CSMD1: variants seen among roughly 807,000 people sequenced by gnomAD.
CSMD1 encodes the protein CUB and sushi domain-containing protein 1.
In CSMD1, 213 loss-of-function variants were observed where a neutral mutation model predicts 417.5. The observed-to-expected ratio is 0.51, with a 90% confidence interval of 0.46 to 0.57. CSMD1 has a LOEUF of 0.57. Ranked by LOEUF, CSMD1 falls within the 20% of genes least tolerant of loss-of-function variation. The pLI, the probability that CSMD1 is intolerant of heterozygous loss-of-function variation, is 0.00. For synonymous variants in CSMD1, 2,862 were observed against 1,736.8 expected (o/e 1.65, Z -16.11); for missense variants, 6,923 against 4,529.7 (o/e 1.53, Z -15.17).
At chr8:3,781,090 C>G (rs553775906) in intron 5 of CSMD1, among the ~76,000 whole-genome samples, 35 of 152,258 alleles carry the variant, frequency 2.3e-4, no homozygotes, top group African/African-American at 7.9e-4. Flanking sequence ...GATCATGGCA[C>G]TGCAAACTGT....
At chr8:4,341,855 G>A (rs1289873037) in intron 3 of CSMD1, among the ~76,000 whole-genome samples, 2 of 152,024 alleles carry the variant, frequency 1.3e-5, no homozygotes, top group South Asian at 2.1e-4. Context: ...GCTTCACCCA[G>A]CAGCCACAGC....
chr8:4,263,384 C>T (rs556267794), intron 3 of CSMD1, among the ~76,000 whole-genome samples: 78 of 152,262 alleles, frequency 5.1e-4, no homozygotes, highest in African/African-American at 1.8e-3. Context: ...AATAAAAAAC[C>T]TGCTTTGACC....
intron 5 of CSMD1, among the ~76,000 whole-genome samples, chr8:3,911,622 A>C (rs1016576868): frequency 1.3e-5 from 2 of 151,952 alleles, no homozygotes; most frequent in Non-Finnish European, 2.9e-5. Flanking sequence ...ATCCAATTCG[A>C]TTAATAACTA....
At chr8:3,933,328 A>T (rs17068044) in intron 5 of CSMD1, among the ~76,000 whole-genome samples, 51,998 of 152,058 alleles carry the variant, frequency 0.34, 9,063 homozygotes, top group African/African-American at 0.43. Flanking sequence ...AGCTTTCATT[A>T]AATTACTTGA....
At chr8:3,277,006 C>T (rs572764956) in intron 26 of CSMD1, among the ~76,000 whole-genome samples, 43 of 152,134 alleles carry the variant, frequency 2.8e-4, no homozygotes, top group African/African-American at 9.6e-4. Flanking sequence ...TGATTGTCTT[C>T]GCTAAAGAAA....
intron 9 of CSMD1, among the ~76,000 whole-genome samples, chr8:3,585,635 A>C (rs1342334870): frequency 1.3e-5 from 2 of 152,196 alleles, no homozygotes; most frequent in African/African-American, 2.4e-5. Flanking sequence ...AATAATGATG[A>C]ATATTTTACT....
chr8:4,926,814 G>C (rs1388675522), intron 1 of CSMD1, among the ~76,000 whole-genome samples: 2 of 151,952 alleles, frequency 1.3e-5, no homozygotes, highest in Admixed American at 1.3e-4. Flanking sequence ...TTTTGTGTTT[G>C]AATATCTACC....
rs140549960 is a variant in CSMD1, at chr8:3,292,505, G to T, written c.3951-8159C>A. Among the ~76,000 whole-genome samples, 170 of 152,260 alleles carry T rather than the reference G, an allele frequency of 1.1e-3. 2 individuals are homozygous for T. In the East Asian group the frequency reaches 0.031, roughly 28 times the overall value. The stretch of plus-strand genomic sequence containing the variant: ...CTAAGGACTTGCTTCAAGAATCTGC[G>T]TGCTCCTGTATTGGGTACATATATA... On this transcript the variant is annotated intron_variant, in intron 25 of 69. Coordinates refer to ENST00000635120, the MANE Select transcript of CSMD1 (RefSeq NM_033225.6).
intron 7 of CSMD1, among the ~76,000 whole-genome samples, chr8:3,665,383 G>A (rs1005084794): frequency 2.0e-5 from 3 of 152,018 alleles, no homozygotes; most frequent in Non-Finnish European, 4.4e-5. Context: ...ACAAAAATTA[G>A]CCAGGTGTGG....
chr8:3,797,976 G>A (rs568380490), intron 5 of CSMD1, among the ~76,000 whole-genome samples: 27 of 151,938 alleles, frequency 1.8e-4, no homozygotes, highest in East Asian at 1.2e-3. Context: ...ATCTCATTGC[G>A]GTTTCAACGT....
At position 4,145,250 on chromosome 8, in the gene CSMD1, G is replaced by C. The variant is rs970046326; in HGVS notation, c.416-113151C>G. On this transcript the variant is annotated intron_variant, in intron 3 of 69. Transcript: ENST00000635120. ...AAATAGGACATTCATGACCTGGACA[G>C]GTATAACTGGAACTTGTAGAGTTAG... Among the ~76,000 whole-genome samples, 212 of 151,042 alleles carry C rather than the reference G, an allele frequency of 1.4e-3. 20 individuals carry two copies. The highest frequency in any genetic ancestry group is 4.9e-3 in the African/African-American group (200 of 40,434).
chr8:3,954,935 C>T (rs1489263188), intron 5 of CSMD1, among the ~76,000 whole-genome samples: 2 of 152,192 alleles, frequency 1.3e-5, no homozygotes, highest in African/African-American at 4.8e-5. Context: ...AACACTTATG[C>T]ACAGAAAGTT....
Position 4,893,808 on chromosome 8 carries a change from T to A in CSMD1, c.85+100524A>T, listed in dbSNP as rs971446910. ...CATTGTTCAGATTCCAATGTCTTTT[T>A]AGCATATGTTGATATCTGGAACGGT... On this transcript the variant is annotated intron_variant, in intron 1 of 69. Transcript: ENST00000635120. Among the ~76,000 whole-genome samples, 3 of 152,148 alleles carry A rather than the reference T, an allele frequency of 2.0e-5. No homozygotes were observed. In the East Asian group the frequency reaches 5.8e-4, roughly 29 times the overall value.
chr8:4,811,933 G>T (rs954884563), intron 1 of CSMD1, among the ~76,000 whole-genome samples: 1 of 152,086 alleles, frequency 6.6e-6, no homozygotes, highest in Non-Finnish European at 1.5e-5. Context: ...TTTTCTGATA[G>T]GCGCATTAGA....
At chr8:3,868,170 T>G (rs1805236250) in intron 5 of CSMD1, among the ~76,000 whole-genome samples, 1 of 152,116 alleles carries the variant, frequency 6.6e-6, no homozygotes, top group African/African-American at 2.4e-5. Flanking sequence ...TCCACTCTGC[T>G]GAACCAACAC....
chr8:4,248,369 G>A (rs770913043), intron 3 of CSMD1, among the ~76,000 whole-genome samples: 1 of 152,068 alleles, frequency 6.6e-6, no homozygotes, highest in African/African-American at 2.4e-5. Flanking sequence ...CTCATCCCTT[G>A]GTGAGTGCTG....
chr8:3,776,113 C>T (rs1369064411), intron 5 of CSMD1, among the ~76,000 whole-genome samples: 3 of 152,192 alleles, frequency 2.0e-5, no homozygotes, highest in South Asian at 2.1e-4. Flanking sequence ...CCCATCCTTC[C>T]TTCCTTCTTC....
chr8:4,032,448 C>A (rs1178456168), intron 3 of CSMD1, among the ~76,000 whole-genome samples: 2 of 152,174 alleles, frequency 1.3e-5, no homozygotes, highest in Non-Finnish European at 2.9e-5. Context: ...TCAGTGTCAG[C>A]AACCAGACAC....
At chr8:4,094,866 G>C (rs13340565) in intron 3 of CSMD1, among the ~76,000 whole-genome samples, 1 of 152,144 alleles carries the variant, frequency 6.6e-6, no homozygotes, top group African/African-American at 2.4e-5. Flanking sequence ...TGTGTTTGGG[G>C]CATATTGTGT....
Sources: gnomAD v4.1 joint callset for allele counts (sites outside exome capture counted in the v4.1 genomes callset) on GRCh38, gnomAD v4.1.1 for gene constraint, MANE v1.5 for transcripts, NCBI Gene and HGNC (gene_info 2026-07-23, HGNC 2026-07-21) for gene names.